The following ATP8A2 variants were observed in gnomAD, a reference collection of about 807,000 sequenced individuals.
ATP8A2 encodes the protein ATPase phospholipid transporting 8A2, also known as phospholipid-transporting ATPase IB.
Under a neutral mutation model 165.6 loss-of-function variants are expected in ATP8A2, and 100 were observed. That is an observed-to-expected ratio of 0.60 (90% CI 0.51 to 0.71). The LOEUF is 0.71. ATP8A2 is among the 30% of genes least tolerant of loss of function. The probability of loss-of-function intolerance (pLI) is 0.00; values close to 1 mark genes in which losing one functional copy is unlikely to be tolerated. For missense variants in ATP8A2, 1,227 were observed against 1,479.5 expected (o/e 0.83, Z 2.80); for synonymous variants, 543 against 548.8 (o/e 0.99, Z 0.15).
intron 5 of ATP8A2, among the ~76,000 whole-genome samples, chr13:25,532,984 T>C (rs548171672): frequency 1.3e-5 from 2 of 152,250 alleles, no homozygotes; most frequent in Admixed American, 1.3e-4. Flanking sequence ...TTTTTTAAAT[T>C]GTGGAACAGC....
chr13:25,759,202 G>A (rs2044328231), intron 25 of ATP8A2, among the ~76,000 whole-genome samples: 2 of 152,176 alleles, frequency 1.3e-5, no homozygotes, highest in Non-Finnish European at 2.9e-5. Flanking sequence ...ACTATTTCCA[G>A]AGTGCAGGAA....
chr13:25,753,754 A>C (rs79325838), intron 25 of ATP8A2, among the ~76,000 whole-genome samples: 206 of 152,330 alleles, frequency 1.4e-3, no homozygotes, highest in African/African-American at 4.7e-3. Context: ...GAAGGGTCTC[A>C]GTATCCTGAG....
In ATP8A2 at chr13:25,587,236, T is replaced by G. The variant is rs1295753302; in HGVS notation, c.2147-2399T>G. On this transcript the variant is annotated intron_variant, in intron 23 of 36. Transcript: ENST00000381655. ...TTTGCTACATTAGTTAAGCCACAAT[T>G]AACTGGGTTAAACTTCCCTGGTCTG... Among the ~76,000 whole-genome samples the G allele has an allele frequency of 1.8e-4, 28 of 152,236 alleles. 1 individual carries two copies. Among genetic ancestry groups the G allele is most frequent in the Non-Finnish European group, 1.5e-5 (1 of 68,034 alleles).
rs1264951584 is a variant in ATP8A2 at position 26,020,785 on chromosome 13, A to G, written c.*800A>G. The G allele has an allele frequency of 6.6e-6, 1 of 152,342 alleles. No individual in the cohort carries two copies. The allele number at this position is 152,342 out of a possible 1,614,324, so 9.4% of individuals were successfully genotyped here. On this transcript the variant is annotated 3_prime_UTR_variant, in exon 37 of 37. Coordinates refer to ENST00000381655, the MANE Select transcript of ATP8A2 (RefSeq NM_016529.6). ...TGTTCCACTGCAGACTCAGATACAG[A>G]TGCGAAAAATTCCTTCTTCCACCGC...
Position 25,703,581 on chromosome 13 carries a change from C to A in ATP8A2, c.2384+4236C>A, listed in dbSNP as rs9581429. 5.4e-3 allele frequency among the ~76,000 whole-genome samples: 825 copies of A among 152,148 alleles called. 9 individuals are homozygous for A. The highest frequency in any genetic ancestry group is 0.019 in the African/African-American group (799 of 41,488). On this transcript the variant is annotated intron_variant, in intron 25 of 36. Transcript: ENST00000381655. ...ATTGGAAAACAACCCACATATGAAT[C>A]CATACGGTGGAATATTATTGAGCCA...
At chr13:25,420,105 G>A (rs902205681) in intron 1 of ATP8A2, among the ~76,000 whole-genome samples, 2 of 152,212 alleles carry the variant, frequency 1.3e-5, no homozygotes, top group Non-Finnish European at 1.5e-5. Flanking sequence ...CAGACTCAGC[G>A]TTCAGACTTA....
At chr13:25,408,263 C>A (rs2033865529) in intron 1 of ATP8A2, among the ~76,000 whole-genome samples, 2 of 151,998 alleles carry the variant, frequency 1.3e-5, no homozygotes, top group Non-Finnish European at 2.9e-5. Context: ...CATGGTGGCT[C>A]CCGCCTGTAG....
In ATP8A2 at chr13:25,577,058, C is replaced by A; in HGVS notation, c.1713-11C>A. 6.4e-7 allele frequency: 1 copy of A among 1,573,406 alleles called. No homozygotes were observed. Among genetic ancestry groups the A allele is most frequent in the Non-Finnish European group, 8.6e-7 (1 of 1,161,904 alleles). ...AGACCAATGATGACTTTTTTTTTTT[C>A]ACTCTCCCAGTGACAGAAAAAGAAT... On this transcript the variant is annotated splice_polypyrimidine_tract_variant and intron_variant, in intron 19 of 36. Transcript: ENST00000381655.
chr13:25,529,047 A>G (rs896925876), intron 2 of ATP8A2, among the ~76,000 whole-genome samples: 18 of 151,952 alleles, frequency 1.2e-4, no homozygotes, highest in Admixed American at 2.6e-4. Context: ...TCATTGTTCA[A>G]TTCCCTCCCA....
chr13:25,790,549 G>C (rs973017011), intron 27 of ATP8A2, among the ~76,000 whole-genome samples: 2 of 150,794 alleles, frequency 1.3e-5, no homozygotes, highest in African/African-American at 4.9e-5. Flanking sequence ...CCAAAAATTA[G>C]CTGGGCATGG....
At chr13:25,756,327 C>CTTTT (rs11379467) in intron 25 of ATP8A2, among the ~76,000 whole-genome samples, 7 of 137,150 alleles carry the variant, frequency 5.1e-5, no homozygotes, top group Admixed American at 7.4e-5. Context: ...CTGTTGGATT[C>CTTTT]TTTTTTTTTT....
In ATP8A2 at chr13:25,961,557, C is replaced by T. The variant is rs2139185790; in HGVS notation, c.3184-18C>T. On this transcript the variant is annotated intron_variant, in intron 33 of 36. Transcript: ENST00000381655. ...AAAGAGAAAGTATTCAAGCAAGTGTCACTTCTATTTCTTGCAGGCAACTAT... is the reference window on the plus strand; with the variant it reads ...AAAGAGAAAGTATTCAAGCAAGTGTTACTTCTATTTCTTGCAGGCAACTAT... 1 of 1,582,364 alleles carries T rather than the reference C, an allele frequency of 6.3e-7. No homozygotes were observed. Among genetic ancestry groups the T allele is most frequent in the Non-Finnish European group, 8.7e-7 (1 of 1,151,662 alleles).
intron 25 of ATP8A2, among the ~76,000 whole-genome samples, chr13:25,719,907 G>GCTCTGGTGGGGC (rs1451999463): frequency 6.6e-6 from 1 of 152,218 alleles, no homozygotes; most frequent in East Asian, 1.9e-4. Context: ...TAAGGATGGG[G>GCTCTGGTGGGGC]CTCTGGTGGG....
chr13:25,857,645 A>G (rs1952211953), intron 30 of ATP8A2, among the ~76,000 whole-genome samples: 1 of 135,836 alleles, frequency 7.4e-6, no homozygotes, highest in South Asian at 2.2e-4. Flanking sequence ...ATGATCACTC[A>G]CTGCAACCTT....
At chr13:25,803,510 G>T (rs1171015073) in intron 27 of ATP8A2, among the ~76,000 whole-genome samples, 3 of 152,108 alleles carry the variant, frequency 2.0e-5, no homozygotes, top group African/African-American at 7.2e-5. Flanking sequence ...TAAAGATGTG[G>T]CCCAGATATA....
intron 25 of ATP8A2, among the ~76,000 whole-genome samples, chr13:25,736,915 A>G (rs74037415): frequency 0.04 from 6,035 of 152,192 alleles, 184 homozygotes; most frequent in East Asian, 0.13. Flanking sequence ...TGAGATAACT[A>G]TCGATTGGGG....
In ATP8A2 at chr13:25,540,370, G is replaced by A. The variant is rs769802856; in HGVS notation, c.633G>A (p.Thr211=). ...YVETANLDGE[T]NLKIRQGLSH... is the part of the protein sequence containing the mutation. ...AAACAGCTAATCTGGATGGGGAGAC[G>A]AACCTTAAAATACGTCAGGTAAAGT... Residue 211 remains threonine, a synonymous_variant, in exon 8 of 37, where the codon ACG becomes ACA. Coordinates refer to ENST00000381655, the MANE Select transcript of ATP8A2 (RefSeq NM_016529.6). 11 of 1,613,350 alleles carry A rather than the reference G, an allele frequency of 6.8e-6. No individual in the cohort carries two copies. Among genetic ancestry groups the A allele is most frequent in the African/African-American group, 2.7e-5 (2 of 74,898 alleles).
intron 30 of ATP8A2, among the ~76,000 whole-genome samples, chr13:25,843,575 T>C (rs1308021823): frequency 6.6e-6 from 1 of 152,138 alleles, no homozygotes; most frequent in East Asian, 1.9e-4. Context: ...ACATCACCTA[T>C]GAGGAATGGG....
intron 33 of ATP8A2, among the ~76,000 whole-genome samples, chr13:25,949,846 C>G (rs1955306432): frequency 6.6e-6 from 1 of 152,178 alleles, no homozygotes; most frequent in Non-Finnish European, 1.5e-5. Flanking sequence ...GTCACCCAGG[C>G]TGGAGTGCAG....
Sources: allele counts gnomAD v4.1 joint callset (sites outside exome capture counted in the v4.1 genomes callset), GRCh38; gene constraint gnomAD v4.1.1; transcripts MANE v1.5; gene names NCBI Gene and HGNC (gene_info 2026-07-23, HGNC 2026-07-21).